The following PRKCB variants were observed in gnomAD, a reference collection of about 807,000 sequenced individuals.
The protein encoded by PRKCB is protein kinase C beta, also known as protein kinase C beta type.
A neutral mutation model predicts 81.5 loss-of-function variants in PRKCB; 13 were observed. The observed-to-expected ratio is 0.16, with a 90% CI of 0.10 to 0.25. PRKCB has a LOEUF of 0.25. Among genes scored for constraint, PRKCB ranks in the 10% least tolerant of loss-of-function variants. The pLI is 1.00. For missense variants in PRKCB, 509 were observed against 875.7 expected (o/e 0.58, Z 5.29); for synonymous variants, 335 against 321.4 (o/e 1.04, Z -0.45).
rs556233950 is a variant in PRKCB, at chr16:23,846,198, T to C, written c.205+8792T>C. Among the ~76,000 whole-genome samples, 5 of 152,338 alleles carry C rather than the reference T, an allele frequency of 3.3e-5. No individual in the cohort carries two copies. The East Asian group carries it at 9.6e-4, about 29-fold the overall frequency. ...CTTTCTGATTTCATTAAGGAGAAAG[T>C]CTCAGTTGGTGTTAATATATCTTTA... On this transcript the variant is annotated intron_variant, in intron 2 of 16. Transcript: ENST00000643927.
rs11860228 is a variant in PRKCB at position 24,046,031 on chromosome 16, C to A, written c.529+10484C>A. 8.9e-3 allele frequency among the ~76,000 whole-genome samples: 1,353 copies of A among 152,356 alleles called. 13 individuals are homozygous for A. The highest frequency in any genetic ancestry group is 0.058 in the Middle Eastern group (17 of 294). ...TGGTGACCTGCACCTACCTGCATGTCCTGGCCTGGTGCAGCATGAGCTTCT... is the reference window on the plus strand; with the variant it reads ...TGGTGACCTGCACCTACCTGCATGTACTGGCCTGGTGCAGCATGAGCTTCT... On this transcript the variant is annotated intron_variant, in intron 5 of 16. Transcript: ENST00000643927.
chr16:24,024,035 A>G (rs1965443146), intron 3 of PRKCB, among the ~76,000 whole-genome samples: 1 of 152,202 alleles, frequency 6.6e-6, no homozygotes, highest in Non-Finnish European at 1.5e-5. Flanking sequence ...TGGAATTGGA[A>G]GGCAGGATGC....
chr16:23,950,143 T>TTTG (rs1964259983), intron 2 of PRKCB, among the ~76,000 whole-genome samples: 1 of 144,426 alleles, frequency 6.9e-6, no homozygotes, highest in Non-Finnish European at 1.5e-5. Flanking sequence ...TTTTTTTTTT[T>TTTG]TTTTTTTTTT....
chr16:24,094,826 A>AGGAAGGAAGGAT (rs1481081995), intron 7 of PRKCB, among the ~76,000 whole-genome samples: 1 of 146,214 alleles, frequency 6.8e-6, no homozygotes, highest in Admixed American at 6.8e-5. Flanking sequence ...GAAGGAAGGA[A>AGGAAGGAAGGAT]GGAAGGAAGG....
At chr16:24,150,391 T>C (rs982897622) in intron 9 of PRKCB, among the ~76,000 whole-genome samples, 1 of 152,158 alleles carries the variant, frequency 6.6e-6, no homozygotes, top group Admixed American at 6.6e-5. Context: ...CTGTGTATTC[T>C]CTGTTGAGGG....
In PRKCB at chr16:24,215,353, AGAT is replaced by A; in HGVS notation, c.*541_*543del. On this transcript the variant is annotated 3_prime_UTR_variant, in exon 17 of 17. Coordinates refer to ENST00000643927, the MANE Select transcript of PRKCB (RefSeq NM_002738.7). ...TGTTATTTTTGTAAACTCAAAGTTA[AGAT>A]GATCAAAGTTCTAAAATTCCAAGAA... 1 of 986,282 alleles carries A rather than the reference AGAT, an allele frequency of 1.0e-6. No individual in the cohort carries two copies. The highest frequency in any genetic ancestry group is 1.2e-6 in the Non-Finnish European group (1 of 830,202). The allele number at this position is 986,282 out of a possible 1,614,324, so 61.1% of individuals were successfully genotyped here. A position where few individuals can be genotyped will look rare whatever the true frequency, so the allele number is the denominator to read the frequency against.
chr16:23,908,201 GGGC>G (rs986020772), intron 2 of PRKCB, among the ~76,000 whole-genome samples: 3 of 152,090 alleles, frequency 2.0e-5, no homozygotes, highest in African/African-American at 7.2e-5. Context: ...GTGAGAGCTG[GGGC>G]GGCGGGGATT....
chr16:23,965,610 T>A (rs761139176), intron 2 of PRKCB, among the ~76,000 whole-genome samples: 3 of 152,230 alleles, frequency 2.0e-5, no homozygotes, highest in Non-Finnish European at 4.4e-5. Context: ...ATTGTAGAGA[T>A]GAGGAGACAG....
chr16:24,210,549 A>T (rs1968124135), intron 16 of PRKCB, among the ~76,000 whole-genome samples: 1 of 148,976 alleles, frequency 6.7e-6, no homozygotes. Flanking sequence ...CCCAGGCTGG[A>T]GTGCAGTGGC....
At chr16:24,052,797 T>A (rs747482231) in intron 5 of PRKCB, among the ~76,000 whole-genome samples, 1 of 152,206 alleles carries the variant, frequency 6.6e-6, no homozygotes, top group Non-Finnish European at 1.5e-5. Context: ...CACAACCTGT[T>A]TTATCAGCAA....
chr16:24,177,476 T>G (rs1314174267), intron 12 of PRKCB, among the ~76,000 whole-genome samples: 1 of 152,152 alleles, frequency 6.6e-6, no homozygotes, highest in Non-Finnish European at 1.5e-5. Flanking sequence ...GTCAATCTTC[T>G]ACTATAAATA....
At chr16:24,133,159 C>T (rs915624413) in intron 9 of PRKCB, among the ~76,000 whole-genome samples, 9 of 152,086 alleles carry the variant, frequency 5.9e-5, no homozygotes, top group African/African-American at 2.2e-4. Context: ...AGGAGGATCA[C>T]TTGAACCCAG....
chr16:23,884,558 A>G (rs1963169518), intron 2 of PRKCB, among the ~76,000 whole-genome samples: 1 of 152,056 alleles, frequency 6.6e-6, no homozygotes, highest in Non-Finnish European at 1.5e-5. Flanking sequence ...TTTTTGAGTC[A>G]GGGTTTCACT....
At chr16:24,060,438 T>C (rs898838476) in intron 5 of PRKCB, among the ~76,000 whole-genome samples, 6 of 152,172 alleles carry the variant, frequency 3.9e-5, no homozygotes, top group Non-Finnish European at 5.9e-5. Context: ...CTAAGGTAGG[T>C]ACCCCTTCCC....
intron 5 of PRKCB, among the ~76,000 whole-genome samples, chr16:24,039,030 T>G (rs1433711398): frequency 6.6e-6 from 1 of 152,008 alleles, no homozygotes; most frequent in Non-Finnish European, 1.5e-5. Context: ...GGTGGGGCCC[T>G]CATAATGGGA....
chr16:23,940,413 A>G (rs1964126825), intron 2 of PRKCB, among the ~76,000 whole-genome samples: 1 of 151,930 alleles, frequency 6.6e-6, no homozygotes. Context: ...CAAGCAAGGA[A>G]AAAAAAACCC....
At chr16:23,869,781 G>A (rs1002875389) in intron 2 of PRKCB, among the ~76,000 whole-genome samples, 1 of 152,118 alleles carries the variant, frequency 6.6e-6, no homozygotes, top group Non-Finnish European at 1.5e-5. Context: ...CAGCACTTTG[G>A]GAGGCTGAGG....
intron 5 of PRKCB, among the ~76,000 whole-genome samples, chr16:24,055,677 C>A (rs1463447446): frequency 6.6e-6 from 1 of 152,170 alleles, no homozygotes; most frequent in African/African-American, 2.4e-5. Flanking sequence ...GAAAAGTGAA[C>A]CAATCTGAAA....
rs745475837 is a variant in PRKCB, at chr16:24,112,978, A to G, written c.827A>G (p.Lys276Arg). 1 of 1,605,926 alleles carries G rather than the reference A, an allele frequency of 6.2e-7. No homozygotes were observed. The highest frequency in any genetic ancestry group is 8.5e-7 in the Non-Finnish European group (1 of 1,175,478). The change falls in exon 8 of 17, where the codon AAG becomes AGG. Residue 276 changes from lysine (K) to arginine (R), a missense_variant. Lys to Arg is a conservative substitution (Grantham distance 26). This residue lies in a region of PRKCB where 184 missense variants were observed against 362.9 expected (regional missense o/e 0.51). Coordinates refer to ENST00000643927, the MANE Select transcript of PRKCB (RefSeq NM_002738.7). ...LQKASVDGWF[K>R]LLSQEEGEYF... is the part of the protein sequence containing the mutation. Reference sequence around the variant, plus strand: ...ACCCCCTTGTCTCCCTTCAGGTTTAAGTTACTGAGCCAGGAGGAAGGCGAG... The same window carrying G: ...ACCCCCTTGTCTCCCTTCAGGTTTAGGTTACTGAGCCAGGAGGAAGGCGAG...
Sources: gnomAD v4.1 joint callset for allele counts (sites outside exome capture counted in the v4.1 genomes callset) on GRCh38, gnomAD v4.1.1 for gene constraint, gnomAD v4.1.1 regional missense constraint, MANE v1.5 for transcripts, NCBI Gene and HGNC (gene_info 2026-07-23, HGNC 2026-07-21) for gene names.